PBX1: variants seen among roughly 807,000 people sequenced by gnomAD.
PBX1 encodes the protein PBX homeobox 1.
In PBX1, 6 loss-of-function variants were observed where a neutral mutation model predicts 53.4. The observed-to-expected ratio is 0.11, with a 90% CI of 0.06 to 0.22. The LOEUF (loss-of-function observed/expected upper bound fraction) is 0.22. PBX1 is among the 10% of genes least tolerant of loss of function. PBX1 has a pLI of 1.00. For synonymous variants in PBX1, 204 were observed against 212.3 expected (o/e 0.96, Z 0.34); for missense variants, 251 against 551.4 (o/e 0.46, Z 5.46).
chr1:164,634,961 G>A (rs1443779087), intron 2 of PBX1, among the ~76,000 whole-genome samples: 1 of 152,060 alleles, frequency 6.6e-6, no homozygotes, highest in Admixed American at 6.5e-5. Context: ...CATGTTGCCT[G>A]CCTGTAGAGA....
intron 2 of PBX1, among the ~76,000 whole-genome samples, chr1:164,637,886 T>C (rs1313519112): frequency 6.6e-6 from 1 of 152,168 alleles, no homozygotes; most frequent in East Asian, 1.9e-4. Context: ...AGCTTCTTAC[T>C]CATCTCTCTG....
chr1:164,755,640 C>T (rs960480849), intron 2 of PBX1, among the ~76,000 whole-genome samples: 8 of 151,850 alleles, frequency 5.3e-5, no homozygotes, highest in Non-Finnish European at 1.0e-4. Flanking sequence ...AACACTCTGT[C>T]GGCAGTGAGG....
chr1:164,836,285 G>A (rs990819345), intron 8 of PBX1, among the ~76,000 whole-genome samples: 1 of 151,988 alleles, frequency 6.6e-6, no homozygotes, highest in Non-Finnish European at 1.5e-5. Flanking sequence ...TTATTCCGTA[G>A]CAGCACACAT....
chr1:164,716,970 T>C (rs1375023908), intron 2 of PBX1, among the ~76,000 whole-genome samples: 2 of 152,070 alleles, frequency 1.3e-5, no homozygotes. Context: ...GGGGAGTTGA[T>C]AGTTAAGAGA....
chr1:164,845,587 G>A (rs1671531665), intron 8 of PBX1, among the ~76,000 whole-genome samples: 2 of 152,166 alleles, frequency 1.3e-5, no homozygotes, highest in African/African-American at 4.8e-5. Flanking sequence ...CATGAATTAT[G>A]CATCATGAAT....
chr1:164,786,720 T>TGCGCGTGC (rs1553246259), intron 2 of PBX1, among the ~76,000 whole-genome samples: 1 of 116,256 alleles, frequency 8.6e-6, no homozygotes, highest in African/African-American at 3.5e-5. Flanking sequence ...TGTGTGTGTG[T>TGCGCGTGC]GCGCGCGCAC....
intron 2 of PBX1, among the ~76,000 whole-genome samples, chr1:164,640,559 T>TG (rs1297472729): frequency 3.4e-4 from 12 of 35,560 alleles, no homozygotes; most frequent in African/African-American, 9.7e-4. Flanking sequence ...TTTTTTTGTG[T>TG]TTTTTTTTTT....
chr1:164,621,453 T>C (rs1455396818), intron 2 of PBX1, among the ~76,000 whole-genome samples: 1 of 152,068 alleles, frequency 6.6e-6, no homozygotes, highest in Non-Finnish European at 1.5e-5. Flanking sequence ...AAGGACTGCC[T>C]GGGGGGTGCT....
At chr1:164,806,945 T>C (rs1183416357) in intron 4 of PBX1, among the ~76,000 whole-genome samples, 2 of 152,188 alleles carry the variant, frequency 1.3e-5, no homozygotes, top group African/African-American at 4.8e-5. Flanking sequence ...CCAGCTGATA[T>C]TCAATTGACC....
At chr1:164,580,144 T>A (rs1394085303) in intron 2 of PBX1, among the ~76,000 whole-genome samples, 1 of 152,230 alleles carries the variant, frequency 6.6e-6, no homozygotes, top group African/African-American at 2.4e-5. Context: ...ATCCTGTTTC[T>A]CAGGTACAGA....
At chr1:164,692,754 T>C (rs1230287883) in intron 2 of PBX1, among the ~76,000 whole-genome samples, 1 of 152,192 alleles carries the variant, frequency 6.6e-6, no homozygotes, top group Non-Finnish European at 1.5e-5. Flanking sequence ...TGTAAATGCA[T>C]TAACTACTCA....
chr1:164,820,612 C>T lies in PBX1; in HGVS notation c.1110+428C>T, dbSNP rs139597860. Reference sequence around the variant, plus strand: ...AACAAGCAAGCAAATATATTACTATCGGACGTTTTCATTTTAAGCTTTAAA... The same window carrying T: ...AACAAGCAAGCAAATATATTACTATTGGACGTTTTCATTTTAAGCTTTAAA... On this transcript the variant is annotated intron_variant, in intron 7 of 8. Coordinates refer to ENST00000420696, the MANE Select transcript of PBX1 (RefSeq NM_002585.4). 5.3e-5 allele frequency among the ~76,000 whole-genome samples: 8 copies of T among 152,284 alleles called. No homozygotes were observed. The East Asian group carries it at 7.7e-4, about 15-fold the overall frequency.
At chr1:164,616,666 C>T (rs1054127707) in intron 2 of PBX1, among the ~76,000 whole-genome samples, 1 of 152,106 alleles carries the variant, frequency 6.6e-6, no homozygotes, top group African/African-American at 2.4e-5. Context: ...GGTAAGAACA[C>T]TTCATGTGAC....
At chr1:164,590,491 G>A (rs1451675937) in intron 2 of PBX1, 5 of 455,838 alleles carry the variant, frequency 1.1e-5, no homozygotes, top group African/African-American at 8.0e-5. Context: ...CGAGGAGGAA[G>A]TTAAGTTGAG....
chr1:164,633,397 A>T (rs1571112246), intron 2 of PBX1, among the ~76,000 whole-genome samples: 1 of 152,208 alleles, frequency 6.6e-6, no homozygotes, highest in Non-Finnish European at 1.5e-5. Context: ...TGTTCCACCC[A>T]CCTTGGCCTT....
intron 2 of PBX1, among the ~76,000 whole-genome samples, chr1:164,714,321 G>T (rs1663967518): frequency 6.6e-6 from 1 of 152,176 alleles, no homozygotes; most frequent in African/African-American, 2.4e-5. Context: ...CTTTAATTAA[G>T]AGTTCTTTAC....
At chr1:164,656,501 T>C (rs1660175384) in intron 2 of PBX1, among the ~76,000 whole-genome samples, 1 of 152,196 alleles carries the variant, frequency 6.6e-6, no homozygotes, top group African/African-American at 2.4e-5. Flanking sequence ...CATACTGATA[T>C]TGCTGAATAG....
At chr1:164,783,097 G>A (rs1312088515) in intron 2 of PBX1, among the ~76,000 whole-genome samples, 2 of 152,146 alleles carry the variant, frequency 1.3e-5, no homozygotes, top group African/African-American at 4.8e-5. Context: ...CAGAAAGACC[G>A]AGGCTTCCAG....
At chr1:164,667,968 C>T (rs1660901757) in intron 2 of PBX1, among the ~76,000 whole-genome samples, 1 of 152,182 alleles carries the variant, frequency 6.6e-6, no homozygotes, top group Admixed American at 6.5e-5. Context: ...AAATGGCTGC[C>T]CCCTTCTCCC....
Sources: gnomAD v4.1 joint callset for allele counts (sites outside exome capture counted in the v4.1 genomes callset) on GRCh38, gnomAD v4.1.1 for gene constraint, MANE v1.5 for transcripts, NCBI Gene and HGNC (gene_info 2026-07-23, HGNC 2026-07-21) for gene names.